The following SKAP1 variants were observed in gnomAD, a reference collection of about 807,000 sequenced individuals.
The protein encoded by SKAP1 is src kinase associated phosphoprotein 1.
SKAP1 carries 44 observed loss-of-function variants against 58.5 expected under a neutral mutation model. The ratio of observed to expected loss-of-function variants is 0.75; its 90% CI spans 0.59 to 0.97. The LOEUF (loss-of-function observed/expected upper bound fraction) is 0.97. Ranked by LOEUF, SKAP1 falls within the 50% of genes least tolerant of loss-of-function variation. The pLI, the probability that SKAP1 is intolerant of heterozygous loss-of-function variation, is 0.00. For synonymous variants in SKAP1, 127 were observed against 149.7 expected, an observed-to-expected ratio of 0.85 and a Z score of 1.11; for missense variants, 390 against 435.2, an observed-to-expected ratio of 0.90 and a Z score of 0.92.
rs1699881550 is a variant in SKAP1 at position 48,430,093 on chromosome 17, T to A, written c.28A>T (p.Ile10Phe). The change falls in exon 1 of 13, where the codon ATC becomes TTC. Residue 10 changes from isoleucine to phenylalanine, a missense_variant. Coordinates refer to ENST00000336915, the MANE Select transcript of SKAP1 (RefSeq NM_003726.4). ...GCGTTACCTTCCAGGAGCCAACGGATCTCCTCAGGGAGGGCGGCGGCCTGC... is the reference window on the plus strand; with the variant it reads ...GCGTTACCTTCCAGGAGCCAACGGAACTCCTCAGGGAGGGCGGCGGCCTGC... MQAAALPEE[I>F]RWLLEDAEEF... 4 of 1,266,332 alleles carry A rather than the reference T, an allele frequency of 3.2e-6. No individual in the cohort carries two copies. Among genetic ancestry groups the A allele is most frequent in the Admixed American group, 4.2e-5 (1 of 23,956 alleles). The allele number at this position is 1,266,332 out of a possible 1,614,324, so 78.4% of individuals were successfully genotyped here. A position where few individuals can be genotyped will look rare whatever the true frequency, so the allele number is the denominator to read the frequency against.
intron 1 of SKAP1, among the ~76,000 whole-genome samples, chr17:48,427,128 A>G (rs553398415): frequency 2.0e-5 from 3 of 152,330 alleles, no homozygotes; most frequent in Non-Finnish European, 2.9e-5. Flanking sequence ...AAGGAAGCCA[A>G]TGTTAACAGT....
At chr17:48,152,803 C>A (rs1387774013) in intron 11 of SKAP1, among the ~76,000 whole-genome samples, 6 of 152,190 alleles carry the variant, frequency 3.9e-5, no homozygotes. Context: ...TTTATTATTA[C>A]CTCTGTCAAA....
chr17:48,184,915 G>A (rs2064425984), intron 6 of SKAP1, 68 bp from the exon 7 acceptor site: 1 of 1,495,060 alleles, frequency 6.7e-7, no homozygotes, highest in South Asian at 1.2e-5. Flanking sequence ...ATCCTCTCTG[G>A]TATGTAAAAT....
chr17:48,270,012 T>A (rs1228756707), intron 4 of SKAP1, among the ~76,000 whole-genome samples: 1 of 152,096 alleles, frequency 6.6e-6, no homozygotes, highest in Non-Finnish European at 1.5e-5. Context: ...CTCAGGAGGC[T>A]GAGGCAGGAG....
intron 3 of SKAP1, among the ~76,000 whole-genome samples, chr17:48,353,662 G>A (rs1466535928): frequency 1.3e-5 from 2 of 152,070 alleles, no homozygotes; most frequent in Non-Finnish European, 1.5e-5. Context: ...TTGGGAGGCC[G>A]AGGCAGGTGA....
intron 4 of SKAP1, among the ~76,000 whole-genome samples, chr17:48,234,578 T>C (rs1302862769): frequency 3.3e-5 from 5 of 152,172 alleles, no homozygotes; most frequent in Non-Finnish European, 7.3e-5. Flanking sequence ...TAATATGTTG[T>C]TCAGTTCAAC....
chr17:48,285,189 A>G (rs907308842), intron 4 of SKAP1, among the ~76,000 whole-genome samples: 1 of 152,234 alleles, frequency 6.6e-6, no homozygotes, highest in African/African-American at 2.4e-5. Context: ...GAAATGAGGC[A>G]TTTAGCAACA....
intron 2 of SKAP1, among the ~76,000 whole-genome samples, chr17:48,369,377 G>C (rs990266095): frequency 1.3e-5 from 2 of 151,164 alleles, no homozygotes; most frequent in African/African-American, 4.9e-5. Context: ...TGCAGTCCCA[G>C]TTACTGAGGA....
intron 4 of SKAP1, among the ~76,000 whole-genome samples, chr17:48,290,093 C>G (rs550188517): frequency 2.8e-4 from 42 of 152,192 alleles, no homozygotes; most frequent in African/African-American, 1.0e-3. Flanking sequence ...GGCACATTCT[C>G]TATTTTAGAT....
chr17:48,241,145 G>A (rs186765561), intron 4 of SKAP1, among the ~76,000 whole-genome samples: 1 of 152,104 alleles, frequency 6.6e-6, no homozygotes, highest in Admixed American at 6.5e-5. Context: ...CTTGGTGGGA[G>A]GCTATAGTGT....
chr17:48,443,415 T>C, the SKAP1 span, among the ~76,000 whole-genome samples: 1 of 152,176 alleles, frequency 6.6e-6, no homozygotes, highest in South Asian at 2.1e-4. Context: ...TGGTGTATAG[T>C]AGGTCCTCAA....
intron 2 of SKAP1, among the ~76,000 whole-genome samples, chr17:48,371,939 T>C (rs535716067): frequency 6.6e-6 from 1 of 152,266 alleles, no homozygotes; most frequent in Non-Finnish European, 1.5e-5. Flanking sequence ...ATGTTAGGCA[T>C]TGTGCTAGAT....
Position 48,430,089 on chromosome 17 carries a change from C to A in SKAP1, c.32G>T (p.Arg11Leu). Residue 11 changes from arginine to leucine, a missense_variant, in exon 1 of 13, where the codon CGT becomes CTT. Transcript: ENST00000336915. MQAAALPEEI[R>L]WLLEDAEEFL... ...CAGGGCGTTACCTTCCAGGAGCCAA[C>A]GGATCTCCTCAGGGAGGGCGGCGGC... 1 of 1,266,384 alleles carries A rather than the reference C, an allele frequency of 7.9e-7. No homozygotes were observed. 78.4% of individuals were successfully genotyped at this position (1,266,384 alleles called of 1,614,324 possible).
chr17:48,222,678 C>T (rs1247728019), intron 4 of SKAP1, among the ~76,000 whole-genome samples: 1 of 151,470 alleles, frequency 6.6e-6, no homozygotes, highest in Non-Finnish European at 1.5e-5. Context: ...TGGAGTTTCA[C>T]CATGTTGGCC....
intron 4 of SKAP1, among the ~76,000 whole-genome samples, chr17:48,298,162 T>C (rs2066006407): frequency 6.6e-6 from 1 of 152,218 alleles, no homozygotes; most frequent in South Asian, 2.1e-4. Flanking sequence ...CTTAAATATT[T>C]ATTGGAAATG....
intron 4 of SKAP1, among the ~76,000 whole-genome samples, chr17:48,225,408 C>G (rs1415136966): frequency 6.6e-6 from 1 of 152,092 alleles, no homozygotes; most frequent in Non-Finnish European, 1.5e-5. Context: ...CATTTTTTCC[C>G]TCTCTGAAAT....
chr17:48,271,532 A>AT (rs972856202), intron 4 of SKAP1, among the ~76,000 whole-genome samples: 9 of 151,276 alleles, frequency 5.9e-5, no homozygotes, highest in Admixed American at 3.3e-4. Flanking sequence ...CACCTGACTA[A>AT]TTTTTTTTAG....
At chr17:48,223,259 T>C (rs1362173123) in intron 4 of SKAP1, among the ~76,000 whole-genome samples, 1 of 152,118 alleles carries the variant, frequency 6.6e-6, no homozygotes, top group East Asian at 1.9e-4. Flanking sequence ...GAATCAGAAG[T>C]AGATTTATGC....
At chr17:48,345,372 A>G (rs1156640329) in intron 4 of SKAP1, among the ~76,000 whole-genome samples, 2 of 152,222 alleles carry the variant, frequency 1.3e-5, no homozygotes, top group African/African-American at 4.8e-5. Flanking sequence ...CTCTAGGAAG[A>G]TTCACACTGT....
Sources: allele counts gnomAD v4.1 joint callset (sites outside exome capture counted in the v4.1 genomes callset), GRCh38; gene constraint gnomAD v4.1.1; transcripts MANE v1.5; gene names NCBI Gene and HGNC (gene_info 2026-07-23, HGNC 2026-07-21).